The following KCNT2 variants were observed in gnomAD, a reference collection of about 807,000 sequenced individuals.
The protein encoded by KCNT2 is potassium channel subfamily T member 2.
Under a neutral mutation model 153.8 loss-of-function variants are expected in KCNT2, and 67 were observed. The ratio of observed to expected loss-of-function variants is 0.44; its 90% CI spans 0.36 to 0.53. KCNT2 has a LOEUF of 0.53. Among genes scored for constraint, KCNT2 ranks in the 20% least tolerant of loss-of-function variants. The pLI is 0.00. For missense variants in KCNT2, 975 were observed against 1,354.8 expected, an observed-to-expected ratio of 0.72 and a Z score of 4.40; for synonymous variants, 500 against 458.8, an observed-to-expected ratio of 1.09 and a Z score of -1.15.
At chr1:196,254,368 C>G (rs930087845) in intron 26 of KCNT2, among the ~76,000 whole-genome samples, 2 of 151,292 alleles carry the variant, frequency 1.3e-5, no homozygotes, top group Non-Finnish European at 3.0e-5. Context: ...AATGATATAT[C>G]TCAAAAAACA....
intron 1 of KCNT2, among the ~76,000 whole-genome samples, chr1:196,513,446 G>A (rs551115413): frequency 1.3e-5 from 2 of 152,268 alleles, no homozygotes; most frequent in Admixed American, 1.3e-4. Context: ...ATTTTAAAAT[G>A]CATGCTTCTG....
intron 1 of KCNT2, among the ~76,000 whole-genome samples, chr1:196,537,784 C>T (rs549869983): frequency 2.2e-4 from 33 of 152,256 alleles, no homozygotes; most frequent in African/African-American, 4.8e-4. Flanking sequence ...TCTCTCAGTC[C>T]GAAATCAAAT....
chr1:196,431,467 A>G (rs2148549188), intron 8 of KCNT2, among the ~76,000 whole-genome samples: 1 of 152,212 alleles, frequency 6.6e-6, no homozygotes, highest in Admixed American at 6.5e-5. Context: ...TTAAACAGTC[A>G]TGACCAGAAT....
intron 1 of KCNT2, among the ~76,000 whole-genome samples, chr1:196,580,060 C>T (rs1661844515): frequency 6.6e-6 from 1 of 152,112 alleles, no homozygotes; most frequent in South Asian, 2.1e-4. Context: ...TGCACAAGCT[C>T]AAAACTTTTC....
intron 1 of KCNT2, among the ~76,000 whole-genome samples, chr1:196,571,999 A>C (rs1277248537): frequency 6.6e-6 from 1 of 152,140 alleles, no homozygotes; most frequent in African/African-American, 2.4e-5. Context: ...GCAACCTCTC[A>C]ATACCATGAA....
chr1:196,262,071 A>C (rs1358610964), intron 25 of KCNT2, among the ~76,000 whole-genome samples: 2 of 151,900 alleles, frequency 1.3e-5, no homozygotes, highest in Non-Finnish European at 2.9e-5. Flanking sequence ...CTTCACATGA[A>C]TAATAATTAA....
chr1:196,554,558 A>C (rs1658383345), intron 1 of KCNT2, among the ~76,000 whole-genome samples: 1 of 151,254 alleles, frequency 6.6e-6, no homozygotes, highest in South Asian at 2.1e-4. Flanking sequence ...AATTCTACCA[A>C]ACATTTAAAG....
chr1:196,383,582 T>C (rs1411347336), intron 13 of KCNT2, among the ~76,000 whole-genome samples: 1 of 152,138 alleles, frequency 6.6e-6, no homozygotes, highest in Non-Finnish European at 1.5e-5. Flanking sequence ...AAGATTGAAT[T>C]TGGATACTTT....
chr1:196,565,634 A>G (rs1018161702), intron 1 of KCNT2, among the ~76,000 whole-genome samples: 4 of 150,290 alleles, frequency 2.7e-5, no homozygotes, highest in Middle Eastern at 3.5e-3. Context: ...ATATATTATC[A>G]TCACTTAAAA....
At chr1:196,564,937 C>A (rs1659901750) in intron 1 of KCNT2, among the ~76,000 whole-genome samples, 1 of 151,450 alleles carries the variant, frequency 6.6e-6, no homozygotes, top group Non-Finnish European at 1.5e-5. Flanking sequence ...TGGATATCAC[C>A]CCTTATGCAT....
At chr1:196,373,791 C>G (rs1171153850) in intron 13 of KCNT2, among the ~76,000 whole-genome samples, 1 of 151,808 alleles carries the variant, frequency 6.6e-6, no homozygotes, top group Non-Finnish European at 1.5e-5. Context: ...ACTGTAATAT[C>G]AAGCAATAGA....
chr1:196,397,213 T>C (rs937913373), intron 13 of KCNT2, among the ~76,000 whole-genome samples: 7 of 151,462 alleles, frequency 4.6e-5, no homozygotes, highest in Non-Finnish European at 8.9e-5. Context: ...ATGTCATTAC[T>C]GCCATTCAAA....
intron 13 of KCNT2, among the ~76,000 whole-genome samples, chr1:196,376,967 T>C (rs1669018348): frequency 6.6e-6 from 1 of 151,688 alleles, no homozygotes; most frequent in Non-Finnish European, 1.5e-5. Context: ...GCAGTGAAGA[T>C]TTGGTAGGGA....
chr1:196,269,089 G>A (rs920786826), intron 25 of KCNT2, among the ~76,000 whole-genome samples: 3 of 152,094 alleles, frequency 2.0e-5, no homozygotes, highest in African/African-American at 7.2e-5. Context: ...TAATAATTAA[G>A]GGTAAAATGA....
At chr1:196,467,881 A>G in intron 6 of KCNT2, 95 bp from the exon 7 acceptor site, 1 of 569,056 alleles carries the variant, frequency 1.8e-6, no homozygotes. Context: ...GCTGTTAAAG[A>G]AAGTATAATA....
chr1:196,507,519 G>A (rs12071079), intron 1 of KCNT2, among the ~76,000 whole-genome samples: 19 of 152,200 alleles, frequency 1.2e-4, no homozygotes, highest in East Asian at 3.9e-4. Flanking sequence ...GTGGGGTGGC[G>A]ACTGTATTTG....
At chr1:196,467,279 T>C (rs1677704258) in intron 7 of KCNT2, among the ~76,000 whole-genome samples, 1 of 152,022 alleles carries the variant, frequency 6.6e-6, no homozygotes, top group African/African-American at 2.4e-5. Flanking sequence ...TCTGAACCAT[T>C]TTTCTTTACC....
rs1386271480 is a variant in KCNT2 at position 196,494,856 on chromosome 1, G to C, written c.96-2515C>G. Among the ~76,000 whole-genome samples the C allele has an allele frequency of 3.3e-5, 5 of 152,202 alleles. No homozygotes were observed. The East Asian group carries it at 9.6e-4, about 29-fold the overall frequency. On this transcript the variant is annotated intron_variant, in intron 1 of 27. Coordinates refer to ENST00000294725, the MANE Select transcript of KCNT2 (RefSeq NM_198503.5). ...TGATTCTCTATTAAATAGAATATTA[G>C]ATAAATGCACGAATTACGAATGAGA...
At chr1:196,318,583 G>GT (rs1315561579) in intron 20 of KCNT2, among the ~76,000 whole-genome samples, 1 of 151,672 alleles carries the variant, frequency 6.6e-6, no homozygotes, top group African/African-American at 2.4e-5. Context: ...AAGATGATTG[G>GT]TTATAAAACA....
Sources: allele counts gnomAD v4.1 joint callset (sites outside exome capture counted in the v4.1 genomes callset), GRCh38; gene constraint gnomAD v4.1.1; transcripts MANE v1.5; gene names NCBI Gene and HGNC (gene_info 2026-07-23, HGNC 2026-07-21).